IBTK: variants seen among roughly 807,000 people sequenced by gnomAD.
IBTK encodes the protein BTK-binding protein.
A neutral mutation model predicts 154.9 loss-of-function variants in IBTK; 83 were observed. The ratio of observed to expected loss-of-function variants is 0.54; its 90% confidence interval spans 0.45 to 0.64. The LOEUF (loss-of-function observed/expected upper bound fraction) is 0.64. Ranked by LOEUF, IBTK falls within the 30% of genes least tolerant of loss-of-function variation. The probability of loss-of-function intolerance (pLI) is 0.00; values close to 1 mark genes in which losing one functional copy is unlikely to be tolerated. For missense variants in IBTK, 1,332 were observed against 1,584.6 expected, an observed-to-expected ratio of 0.84 and a Z score of 2.71; for synonymous variants, 515 against 536.1, an observed-to-expected ratio of 0.96 and a Z score of 0.54.
At chr6:82,197,093 G>A (rs1322971020) in intron 21 of IBTK, among the ~76,000 whole-genome samples, 1 of 152,116 alleles carries the variant, frequency 6.6e-6, no homozygotes, top group Non-Finnish European at 1.5e-5. Flanking sequence ...GCCACACCTG[G>A]TATCCAGGTT....
intron 24 of IBTK, 44 bp downstream of exon 24, chr6:82,191,743 A>C: frequency 8.6e-7 from 1 of 1,158,230 alleles, no homozygotes; most frequent in Non-Finnish European, 1.3e-6. Context: ...TTCTTAGGGC[A>C]GAAATACAAC....
chr6:82,220,937 TACACACACACACACACACACACACAC>T (rs57358110), intron 8 of IBTK, among the ~76,000 whole-genome samples: 1 of 130,090 alleles, frequency 7.7e-6, no homozygotes, highest in Non-Finnish European at 1.6e-5. Flanking sequence ...TGACTTTACC[TACACACACACACACACACACACACAC>T]ACACACACAC....
chr6:82,217,949 T>C lies in IBTK; in HGVS notation c.1426+11A>G, dbSNP rs1237334948. ...AGGTACTTTTACGTATTGTTCAATA[T>C]ATGAACTGACCTTTCTTTTCAGAAC... On this transcript the variant is annotated intron_variant, in intron 10 of 28. Transcript: ENST00000306270. 1.3e-6 allele frequency: 2 copies of C among 1,563,556 alleles called. No homozygotes were observed. Among genetic ancestry groups the C allele is most frequent in the African/African-American group, 1.4e-5 (1 of 72,972 alleles).
chr6:82,198,908 A>G lies in IBTK; in HGVS notation c.3025+1233T>C, dbSNP rs374176923. Among the ~76,000 whole-genome samples, 14 of 152,262 alleles carry G rather than the reference A, an allele frequency of 9.2e-5. No individual in the cohort carries two copies. The South Asian group carries it at 2.7e-3, about 29-fold the overall frequency. ...TGGAAAAGAGAAAACAAAAAACAAAAAAGTACAGCAGTTTTATACTAGTTA... is the reference window on the plus strand; with the variant it reads ...TGGAAAAGAGAAAACAAAAAACAAAGAAGTACAGCAGTTTTATACTAGTTA... On this transcript the variant is annotated intron_variant, in intron 21 of 28. Coordinates refer to ENST00000306270, the MANE Select transcript of IBTK (RefSeq NM_015525.4).
At chr6:82,199,749 A>C (rs1289043713) in intron 21 of IBTK, among the ~76,000 whole-genome samples, 1 of 152,192 alleles carries the variant, frequency 6.6e-6, no homozygotes, top group African/African-American at 2.4e-5. Flanking sequence ...TTAGTTTGGC[A>C]TATAAGAGCC....
intron 26 of IBTK, among the ~76,000 whole-genome samples, chr6:82,179,879 G>A (rs1179027953): frequency 6.6e-6 from 1 of 152,190 alleles, no homozygotes; most frequent in Non-Finnish European, 1.5e-5. Flanking sequence ...CACAAGAAAG[G>A]AAAGGGGTAA....
chr6:82,190,854 A>C (rs943422306), intron 25 of IBTK, among the ~76,000 whole-genome samples: 1 of 152,020 alleles, frequency 6.6e-6, no homozygotes, highest in East Asian at 1.9e-4. Flanking sequence ...TGTCATCATG[A>C]CTTGTATGTC....
At chr6:82,187,966 C>CT (rs796409943) in intron 25 of IBTK, among the ~76,000 whole-genome samples, 96 of 152,226 alleles carry the variant, frequency 6.3e-4, no homozygotes, top group African/African-American at 2.3e-3. Flanking sequence ...CCTCCCTACA[C>CT]TGAGATACGC....
Position 82,173,434 on chromosome 6 carries a change from A to G in IBTK, c.3730T>C (p.Ser1244Pro). ...NSQAPKIVRC[S>P]THGTPGPEGN... ...TCTGGTCCTGGGGTACCATGGGTAG[A>G]GCATCTGCAAAACAAATGCCAAAAT... is the stretch of plus-strand genomic sequence containing the variant. The change falls in exon 27 of 29, where the codon TCT (serine) becomes CCT (proline). Residue 1244 changes from serine to proline, a missense_variant. By Grantham distance (74) the Ser-to-Pro change is moderately conservative. Transcript: ENST00000306270. The G allele has an allele frequency of 6.2e-7, 1 of 1,613,076 alleles. No individual in the cohort carries two copies. The highest frequency in any genetic ancestry group is 1.3e-5 in the African/African-American group (1 of 74,998).
At position 82,188,426 on chromosome 6, in the gene IBTK, A is replaced by G. The variant is rs535968466; in HGVS notation, c.3575+2647T>C. ...TACTCTGTAGTATTCTACTATAAAA[A>G]TAAATTAATTTATCCACTGACTGCT... On this transcript the variant is annotated intron_variant, in intron 25 of 28. Transcript: ENST00000306270. Among the ~76,000 whole-genome samples, 5 of 152,302 alleles carry G rather than the reference A, an allele frequency of 3.3e-5. No homozygotes were observed. The East Asian group carries it at 5.8e-4, about 18-fold the overall frequency.
In IBTK at chr6:82,172,396, G is replaced by T. The variant is rs1047082099; in HGVS notation, c.3914C>A (p.Pro1305Gln). Residue 1305 changes from proline (P) to glutamine (Q), a missense_variant, in exon 28 of 29, where the codon CCG becomes CAG. Coordinates refer to ENST00000306270, the MANE Select transcript of IBTK (RefSeq NM_015525.4). ...GTTATTTACCTGAATCAGAGCCAAC[G>T]GTTTTTCTCGACTTCTAATAAGAGC... ...EAALIRSREK[P>Q]LALIQIEEHA... is the part of the protein sequence containing the mutation. 6.2e-7 allele frequency: 1 copy of T among 1,613,390 alleles called. No homozygotes were observed. Among genetic ancestry groups the T allele is most frequent in the Non-Finnish European group, 8.5e-7 (1 of 1,179,790 alleles).
chr6:82,176,508 C>T lies in IBTK; in HGVS notation c.3726-3070G>A, dbSNP rs568975048. 3.5e-3 allele frequency among the ~76,000 whole-genome samples: 442 copies of T among 124,890 alleles called. 5 individuals carry two copies. The highest frequency in any genetic ancestry group is 0.013 in the African/African-American group (406 of 32,368). 81.9% of individuals were successfully genotyped at this position (124,890 alleles called of 152,430 possible). A position where few individuals can be genotyped will look rare whatever the true frequency, so the allele number is the denominator to read the frequency against. On this transcript the variant is annotated intron_variant, in intron 26 of 28. Transcript: ENST00000306270. ...TGCACTCCATCCTGGGTGACAAGAG[C>T]GAGAGTCCGTCTCAAAAAAAAAAAA...
chr6:82,184,137 C>T (rs1266874720), intron 25 of IBTK, among the ~76,000 whole-genome samples: 1 of 152,160 alleles, frequency 6.6e-6, no homozygotes, highest in Non-Finnish European at 1.5e-5. Flanking sequence ...CTGTTCTTTC[C>T]ACTGACTATG....
At chr6:82,238,445 A>G (rs1415462012) in intron 2 of IBTK, among the ~76,000 whole-genome samples, 1 of 149,276 alleles carries the variant, frequency 6.7e-6, no homozygotes, top group Non-Finnish European at 1.5e-5. Flanking sequence ...AATTTTAATG[A>G]TTTTTTTTTT....
At chr6:82,189,012 A>AGTT in intron 25 of IBTK, 1 of 445,918 alleles carries the variant, frequency 2.2e-6, no homozygotes, top group Non-Finnish European at 4.5e-6. Flanking sequence ...CCTGAACAAC[A>AGTT]GGGTGAGACT....
At chr6:82,243,882 T>G (rs958964134) in intron 1 of IBTK, among the ~76,000 whole-genome samples, 1 of 152,082 alleles carries the variant, frequency 6.6e-6, no homozygotes, top group African/African-American at 2.4e-5. Flanking sequence ...GTATATATAA[T>G]GTAAACATTT....
intron 1 of IBTK, 106 bp from the exon 2 acceptor site, chr6:82,240,949 T>C: frequency 5.0e-6 from 2 of 396,686 alleles, no homozygotes; most frequent in Non-Finnish European, 8.9e-6. Context: ...CTTAACCCAT[T>C]TATGCTTAGT....
chr6:82,190,000 C>T (rs1045030208), intron 25 of IBTK, among the ~76,000 whole-genome samples: 9 of 152,182 alleles, frequency 5.9e-5, no homozygotes, highest in African/African-American at 1.4e-4. Context: ...GAAACTAGCA[C>T]AGTCCCTTAC....
intron 26 of IBTK, chr6:82,175,041 T>C (rs1436954756): frequency 6.6e-6 from 3 of 455,856 alleles, no homozygotes; most frequent in Non-Finnish European, 1.3e-5. Flanking sequence ...ACTGTTATTA[T>C]TGTTTACATG....
Sources: gnomAD v4.1 joint callset for allele counts (sites outside exome capture counted in the v4.1 genomes callset) on GRCh38, gnomAD v4.1.1 for gene constraint, MANE v1.5 for transcripts, NCBI Gene and HGNC (gene_info 2026-07-23, HGNC 2026-07-21) for gene names.